GPC5: variants seen among roughly 807,000 people sequenced by gnomAD.
The protein encoded by GPC5 is glypican 5, also known as glypican-5.
A neutral mutation model predicts 53.9 loss-of-function variants in GPC5; 47 were observed. The ratio of observed to expected loss-of-function variants is 0.87; its 90% CI spans 0.69 to 1.11. The LOEUF (loss-of-function observed/expected upper bound fraction) is 1.11, where lower values mean the gene tolerates loss of function less well. Ranked by LOEUF, GPC5 falls within the 50% of genes most tolerant of loss-of-function variation. The pLI is 0.00. For synonymous variants in GPC5, 286 were observed against 263.3 expected (o/e 1.09, Z -0.84); for missense variants, 748 against 713.1 (o/e 1.05, Z -0.56).
At chr13:92,740,056 C>T (rs971587402) in intron 7 of GPC5, among the ~76,000 whole-genome samples, 1 of 151,916 alleles carries the variant, frequency 6.6e-6, no homozygotes, top group African/African-American at 2.4e-5. Flanking sequence ...TTCCTATAAC[C>T]TTCCTTCCCT....
intron 5 of GPC5, among the ~76,000 whole-genome samples, chr13:91,899,173 G>C (rs1327763521): frequency 6.6e-6 from 1 of 152,124 alleles, no homozygotes; most frequent in South Asian, 2.1e-4. Context: ...TTCTGCTTTA[G>C]AAGAGAACAA....
At chr13:91,954,344 T>C (rs149390442) in intron 6 of GPC5, among the ~76,000 whole-genome samples, 1 of 152,182 alleles carries the variant, frequency 6.6e-6, no homozygotes, top group Admixed American at 6.5e-5. Flanking sequence ...AAACAAAATA[T>C]GTGTAACAGG....
chr13:92,713,648 A>G (rs1888228448), intron 7 of GPC5, among the ~76,000 whole-genome samples: 1 of 151,628 alleles, frequency 6.6e-6, no homozygotes, highest in African/African-American at 2.4e-5. Flanking sequence ...AACTCTTAGG[A>G]AAATCCAAGT....
chr13:91,638,780 C>T (rs2034347605), intron 2 of GPC5, among the ~76,000 whole-genome samples: 1 of 151,930 alleles, frequency 6.6e-6, no homozygotes, highest in Admixed American at 6.6e-5. Context: ...AATAATATAC[C>T]CCAAATGAGA....
At chr13:92,393,138 T>C (rs1415351344) in intron 7 of GPC5, among the ~76,000 whole-genome samples, 1 of 152,072 alleles carries the variant, frequency 6.6e-6, no homozygotes, top group Admixed American at 6.5e-5. Flanking sequence ...TGCAAAGATA[T>C]GGAATCAATC....
chr13:91,709,109 C>G (rs1436762292), intron 3 of GPC5, among the ~76,000 whole-genome samples: 1 of 152,188 alleles, frequency 6.6e-6, no homozygotes, highest in East Asian at 1.9e-4. Flanking sequence ...TGAGTGTTTA[C>G]AGTGTCCTAG....
chr13:91,576,437 C>T (rs1156236135), intron 2 of GPC5, among the ~76,000 whole-genome samples: 1 of 151,700 alleles, frequency 6.6e-6, no homozygotes, highest in East Asian at 1.9e-4. Context: ...AAATGGACAG[C>T]AAAAAATAAA....
chr13:91,797,428 C>G (rs577776364), intron 5 of GPC5, among the ~76,000 whole-genome samples: 40 of 152,086 alleles, frequency 2.6e-4, no homozygotes, highest in Non-Finnish European at 5.4e-4. Flanking sequence ...CCCTAATAGT[C>G]TATTTTAATA....
intron 7 of GPC5, among the ~76,000 whole-genome samples, chr13:92,660,947 A>T (rs1886320877): frequency 6.6e-6 from 1 of 152,070 alleles, no homozygotes; most frequent in Admixed American, 6.5e-5. Context: ...CAACTTTTAT[A>T]TTAGATAGAA....
At chr13:92,146,048 C>T (rs949283283) in intron 7 of GPC5, among the ~76,000 whole-genome samples, 1 of 152,004 alleles carries the variant, frequency 6.6e-6, no homozygotes, top group African/African-American at 2.4e-5. Context: ...ATTAAAAAGG[C>T]AGTTAACATA....
At chr13:91,434,155 T>G (rs1168600999) in intron 1 of GPC5, among the ~76,000 whole-genome samples, 2 of 152,246 alleles carry the variant, frequency 1.3e-5, no homozygotes, top group African/African-American at 4.8e-5. Flanking sequence ...GTAGGTTGCC[T>G]GTTCAGGCTG....
At chr13:92,694,379 C>G (rs139175931) in intron 7 of GPC5, among the ~76,000 whole-genome samples, 128 of 152,264 alleles carry the variant, frequency 8.4e-4, no homozygotes, top group African/African-American at 3.0e-3. Flanking sequence ...TCATTGCCAG[C>G]CTGTGAAAGC....
chr13:92,702,407 C>T (rs1358582111), intron 7 of GPC5, among the ~76,000 whole-genome samples: 1 of 152,042 alleles, frequency 6.6e-6, no homozygotes, highest in African/African-American at 2.4e-5. Context: ...TCTCCTCTTG[C>T]CCCCTCCCCA....
chr13:91,631,094 G>T (rs1287041706), intron 2 of GPC5, among the ~76,000 whole-genome samples: 1 of 152,096 alleles, frequency 6.6e-6, no homozygotes, highest in Non-Finnish European at 1.5e-5. Flanking sequence ...CTGTGCATTG[G>T]ACCAGAAAAC....
At chr13:91,752,187 T>C (rs930181076) in intron 4 of GPC5, among the ~76,000 whole-genome samples, 3 of 152,216 alleles carry the variant, frequency 2.0e-5, no homozygotes, top group African/African-American at 4.8e-5. Flanking sequence ...ATGAACTCAT[T>C]TAATTCTAAT....
intron 7 of GPC5, among the ~76,000 whole-genome samples, chr13:92,560,597 C>A (rs1882661414): frequency 6.6e-6 from 1 of 151,954 alleles, no homozygotes; most frequent in East Asian, 1.9e-4. Flanking sequence ...CCGGCATATA[C>A]ATTGGCAACA....
At position 92,032,479 on chromosome 13, in the gene GPC5, C is replaced by T. The variant is rs964524960; in HGVS notation, c.1402-112351C>T. Among the ~76,000 whole-genome samples, 7 of 151,488 alleles carry T rather than the reference C, an allele frequency of 4.6e-5. No homozygotes were observed. In the South Asian group the frequency reaches 8.3e-4, roughly 18 times the overall value. On this transcript the variant is annotated intron_variant, in intron 6 of 7. Coordinates refer to ENST00000377067, the MANE Select transcript of GPC5 (RefSeq NM_004466.6). Reference sequence around the variant, plus strand: ...AAAAACAGAAACAAAAACAAGAAAACTCAACTTTTTACCTCCTCCCTGCAC... The same window carrying T: ...AAAAACAGAAACAAAAACAAGAAAATTCAACTTTTTACCTCCTCCCTGCAC...
chr13:91,973,927 G>A (rs2040270158), intron 6 of GPC5, among the ~76,000 whole-genome samples: 1 of 152,214 alleles, frequency 6.6e-6, no homozygotes, highest in South Asian at 2.1e-4. Flanking sequence ...GCTGCTCGGG[G>A]TTCAGGGACC....
At chr13:91,636,607 C>G (rs1213296516) in intron 2 of GPC5, among the ~76,000 whole-genome samples, 1 of 151,988 alleles carries the variant, frequency 6.6e-6, no homozygotes, top group East Asian at 1.9e-4. Context: ...CCTCACTGTA[C>G]CAAGTACATC....
Sources: gnomAD v4.1 joint callset for allele counts (sites outside exome capture counted in the v4.1 genomes callset) on GRCh38, gnomAD v4.1.1 for gene constraint, MANE v1.5 for transcripts, NCBI Gene and HGNC (gene_info 2026-07-23, HGNC 2026-07-21) for gene names.